The following PTK2B variants were observed in gnomAD, a reference collection of about 807,000 sequenced individuals.
PTK2B encodes the protein protein-tyrosine kinase 2-beta.
Under a neutral mutation model 142.9 loss-of-function variants are expected in PTK2B, and 71 were observed. The ratio of observed to expected loss-of-function variants is 0.50; its 90% CI spans 0.41 to 0.61. The LOEUF (loss-of-function observed/expected upper bound fraction) is 0.61. Ranked by LOEUF, PTK2B falls within the 20% of genes least tolerant of loss-of-function variation. PTK2B has a pLI of 0.00. For missense variants in PTK2B, 1,105 were observed against 1,320.4 expected (o/e 0.84, Z 2.53); for synonymous variants, 519 against 503.4 (o/e 1.03, Z -0.42).
intron 1 of PTK2B, among the ~76,000 whole-genome samples, chr8:27,335,222 A>G (rs1803987299): frequency 6.6e-6 from 1 of 152,180 alleles, no homozygotes; most frequent in African/African-American, 2.4e-5. Context: ...CTTGTTCGAC[A>G]ATCACCTCGT....
At chr8:27,310,831 C>A, upstream of PTK2B, 1 of 1,606,824 alleles carries the variant, frequency 6.2e-7, no homozygotes, top group Non-Finnish European at 8.5e-7. Context: ...CCTTCACCGG[C>A]TGCACGCGGT....
chr8:27,413,774 T>C (rs1809211000), intron 2 of PTK2B, among the ~76,000 whole-genome samples: 1 of 152,204 alleles, frequency 6.6e-6, no homozygotes, highest in Admixed American at 6.5e-5. Flanking sequence ...TCATCAAACC[T>C]CCACCCTCTA....
rs1295093572 is a variant in PTK2B, at chr8:27,350,989, AAATATATATATATATATAT to A, written c.-38+25310_-38+25328del. Reference sequence around the variant, plus strand: ...AGTCTCCGTCTCAAAAAAAAAAAAAAAATATATATATATATATATATATATATATATATATATATATATA... The same window carrying A: ...AGTCTCCGTCTCAAAAAAAAAAAAAAATATATATATATATATATATATATA... On this transcript the variant is annotated intron_variant, in intron 1 of 30. Coordinates refer to ENST00000346049, the MANE Select transcript of PTK2B (RefSeq NM_173176.3). Among the ~76,000 whole-genome samples the A allele has an allele frequency of 9.1e-3, 161 of 17,724 alleles. 37 individuals are homozygous for A. The highest frequency in any genetic ancestry group is 0.041 in the East Asian group (59 of 1,448). 11.6% of individuals were successfully genotyped at this position (17,724 alleles called of 152,430 possible).
At chr8:27,417,205 C>T (rs1380092959) in intron 2 of PTK2B, among the ~76,000 whole-genome samples, 2 of 152,122 alleles carry the variant, frequency 1.3e-5, no homozygotes, top group Non-Finnish European at 2.9e-5. Context: ...AAGCAGAAGA[C>T]CAAATCAACA....
intron 10 of PTK2B, 195 bp from the exon 11 acceptor site, chr8:27,433,240 A>G: frequency 1.8e-6 from 1 of 558,344 alleles, no homozygotes; most frequent in Non-Finnish European, 3.2e-6. Flanking sequence ...TGGCCTTTGG[A>G]GAGCATGGGC....
At chr8:27,383,869 A>G (rs1807182902) in intron 1 of PTK2B, among the ~76,000 whole-genome samples, 2 of 61,090 alleles carry the variant, frequency 3.3e-5, no homozygotes, top group African/African-American at 4.6e-5. Flanking sequence ...TTTTTTTGAG[A>G]CAGAGTTTCA....
Position 27,454,184 on chromosome 8 carries a change from A to C in PTK2B, c.2626A>C (p.Thr876Pro), listed in dbSNP as rs141604763. 10 of 1,613,892 alleles carry C rather than the reference A, an allele frequency of 6.2e-6. No individual in the cohort carries two copies. Among genetic ancestry groups the C allele is most frequent in the Non-Finnish European group, 8.5e-6 (10 of 1,179,932 alleles). ...CCAGCCCACAGCTAACCTGGACCGG[A>C]CTGATGACCTGGTGTACCTCAATGT... ...SIQPTANLDR[T>P]DDLVYLNVME... Residue 876 changes from threonine (T) to proline (P), a missense_variant, in exon 29 of 31, where the codon ACT (threonine) becomes CCT (proline). Thr to Pro is a conservative substitution (Grantham distance 38). Coordinates refer to ENST00000346049, the MANE Select transcript of PTK2B (RefSeq NM_173176.3).
chr8:27,449,206 C>T (rs1282246677), intron 24 of PTK2B, among the ~76,000 whole-genome samples: 3 of 152,184 alleles, frequency 2.0e-5, no homozygotes, highest in East Asian at 3.8e-4. Context: ...ATAAGAACAT[C>T]GTATAGTTTA....
chr8:27,351,491 G>T (rs1405650651), intron 1 of PTK2B, among the ~76,000 whole-genome samples: 1 of 152,020 alleles, frequency 6.6e-6, no homozygotes, highest in Admixed American at 6.6e-5. Flanking sequence ...CACAGACAAA[G>T]AATTTGTCTA....
chr8:27,346,073 T>A (rs1370878976), intron 1 of PTK2B, among the ~76,000 whole-genome samples: 1 of 152,162 alleles, frequency 6.6e-6, no homozygotes, highest in Non-Finnish European at 1.5e-5. Context: ...CCTCTTGCAA[T>A]TTTGAAGTTA....
At chr8:27,389,727 C>T (rs903984723) in intron 1 of PTK2B, among the ~76,000 whole-genome samples, 15 of 152,118 alleles carry the variant, frequency 9.9e-5, no homozygotes, top group African/African-American at 2.4e-4. Flanking sequence ...TTCTTTCCTC[C>T]GCAAGGTAAT....
intron 1 of PTK2B, among the ~76,000 whole-genome samples, chr8:27,392,976 G>A (rs1807816098): frequency 6.6e-6 from 1 of 152,218 alleles, no homozygotes; most frequent in Admixed American, 6.5e-5. Context: ...CACTGACTGG[G>A]AATATTCGAT....
upstream of PTK2B, among the ~76,000 whole-genome samples, chr8:27,324,431 C>T (rs1275592131): frequency 6.6e-6 from 1 of 152,268 alleles, no homozygotes; most frequent in Admixed American, 6.5e-5. Flanking sequence ...TGATCTTCAT[C>T]GGACCCAGAG....
At chr8:27,404,097 C>T (rs984694020) in intron 2 of PTK2B, among the ~76,000 whole-genome samples, 3 of 152,076 alleles carry the variant, frequency 2.0e-5, no homozygotes, top group African/African-American at 7.2e-5. Context: ...CTGCCAGTCT[C>T]AAATGTATCA....
Position 27,458,425 on chromosome 8 carries a change from C to G in PTK2B, c.2946C>G (p.Thr982=). 1 of 1,611,624 alleles carries G rather than the reference C, an allele frequency of 6.2e-7. No individual in the cohort carries two copies. Among genetic ancestry groups the G allele is most frequent in the East Asian group, 2.2e-5 (1 of 44,846 alleles). The change falls in exon 31 of 31, where the codon ACC becomes ACG. Residue 982 remains threonine, a synonymous_variant. Coordinates refer to ENST00000346049, the MANE Select transcript of PTK2B (RefSeq NM_173176.3). ...CKRQMLTASH[T]LAVDAKNLLD... ...GGCAGATGCTGACGGCTTCACACAC[C>G]CTGGCTGTGGACGCCAAGAACCTGC...
intron 24 of PTK2B, 99 bp from the exon 25 acceptor site, chr8:27,450,650 G>A: frequency 6.8e-7 from 1 of 1,468,366 alleles, no homozygotes; most frequent in Non-Finnish European, 9.3e-7. Context: ...GCCAGGCCAA[G>A]GCTTGCAGCT....
chr8:27,438,125 AT>A, intron 18 of PTK2B: 1 of 452,688 alleles, frequency 2.2e-6, no homozygotes, highest in South Asian at 2.7e-5. Context: ...GTCTGTCTAT[AT>A]ATCAAGACCT....
At position 27,431,017 on chromosome 8, in the gene PTK2B, G is replaced by A; in HGVS notation, c.810+1G>A. 6.2e-7 allele frequency: 1 copy of A among 1,612,156 alleles called. No individual in the cohort carries two copies. Among genetic ancestry groups the A allele is most frequent in the Non-Finnish European group, 8.5e-7 (1 of 1,178,884 alleles). On this transcript the variant is annotated splice_donor_variant, in intron 8 of 30. Transcript: ENST00000346049. LOFTEE classifies it high-confidence loss of function. ...GGAGACCTACCGCTGTGAACTCATT[G>A]TAATGGCGGGCTCTCTTGATCCTCT... is the stretch of plus-strand genomic sequence containing the variant.
At chr8:27,310,813 G>A (rs757544708), upstream of PTK2B, 2 of 1,597,252 alleles carry the variant, frequency 1.3e-6, no homozygotes, top group Non-Finnish European at 1.7e-6. Flanking sequence ...GAAAGTCGTG[G>A]GCAGTGTCCT....
Sources: gnomAD v4.1 joint callset for allele counts (sites outside exome capture counted in the v4.1 genomes callset) on GRCh38, gnomAD v4.1.1 for gene constraint, MANE v1.5 for transcripts, NCBI Gene and HGNC (gene_info 2026-07-23, HGNC 2026-07-21) for gene names.